GLE1: variants seen among roughly 807,000 people sequenced by gnomAD.
GLE1 encodes the protein mRNA export factor GLE1.
Under a neutral mutation model 97.3 loss-of-function variants are expected in GLE1, and 78 were observed. The ratio of observed to expected loss-of-function variants is 0.80; its 90% CI spans 0.67 to 0.97. The LOEUF (loss-of-function observed/expected upper bound fraction) is 0.97, where lower values mean the gene tolerates loss of function less well. Among genes scored for constraint, GLE1 ranks in the 50% least tolerant of loss-of-function variants. GLE1 has a pLI of 0.00. For missense variants in GLE1, 753 were observed against 857.5 expected (o/e 0.88, Z 1.52); for synonymous variants, 302 against 313.4 (o/e 0.96, Z 0.39).
intron 9 of GLE1, 41 bp downstream of exon 9, chr9:128,527,566 G>T (rs41306469): frequency 4.2e-6 from 5 of 1,176,692 alleles, no homozygotes; most frequent in Non-Finnish European, 6.4e-6. Flanking sequence ...TCATTTCATT[G>T]TATTATCTTT....
chr9:128,533,427 CAAAAAAA>C (rs5900802), intron 9 of GLE1, 79 bp from the exon 10 acceptor site: 480 of 452,898 alleles, frequency 1.1e-3, no homozygotes, highest in East Asian at 1.5e-3. Flanking sequence ...GATACTGTCT[CAAAAAAA>C]AAAAAAAAAA....
At chr9:128,526,998 C>T (rs1847318684) in intron 7 of GLE1, among the ~76,000 whole-genome samples, 181 bp from the exon 8 acceptor site, 1 of 152,180 alleles carries the variant, frequency 6.6e-6, no homozygotes, top group Non-Finnish European at 1.5e-5. Flanking sequence ...TGGCAAATCA[C>T]TTAACCTTTT....
At chr9:128,515,370 A>G (rs1050922581) in intron 2 of GLE1, among the ~76,000 whole-genome samples, 159 bp from the exon 3 acceptor site, 3 of 152,268 alleles carry the variant, frequency 2.0e-5, no homozygotes, top group African/African-American at 7.2e-5. Flanking sequence ...AATGTCATTC[A>G]TGAAAAGCAC....
chr9:128,538,807 C>T (rs540900521), intron 13 of GLE1, among the ~76,000 whole-genome samples: 18 of 152,268 alleles, frequency 1.2e-4, no homozygotes, highest in Admixed American at 1.1e-3. Flanking sequence ...GCGATCCTCC[C>T]ACCTAACCCT....
chr9:128,532,779 T>C (rs989793509), intron 9 of GLE1: 2 of 340,578 alleles, frequency 5.9e-6, no homozygotes, highest in Admixed American at 6.5e-5. Flanking sequence ...CTGGCTCAGC[T>C]TGACTGCCTC....
At chr9:128,539,499 T>G in intron 13 of GLE1, 117 bp from the exon 14 acceptor site, 1 of 807,282 alleles carries the variant, frequency 1.2e-6, no homozygotes, top group South Asian at 1.4e-5. Context: ...TTCAGTGGCA[T>G]TGTGGTTGAA....
intron 9 of GLE1, chr9:128,528,835 A>T (rs1476772826): frequency 6.6e-6 from 1 of 152,236 alleles, no homozygotes; most frequent in Non-Finnish European, 1.5e-5. Flanking sequence ...TGAGAACCAG[A>T]CAAGGAAGAA....
chr9:128,508,832 AC>A, intron 1 of GLE1, 43 bp from the exon 2 acceptor site: 1 of 1,095,888 alleles, frequency 9.1e-7, no homozygotes, highest in Non-Finnish European at 1.4e-6. Flanking sequence ...TATACTGAGA[AC>A]AGTTGACGTG....
chr9:128,517,017 C>T (rs888870897), intron 3 of GLE1, among the ~76,000 whole-genome samples: 11 of 151,788 alleles, frequency 7.2e-5, no homozygotes, highest in East Asian at 5.8e-4. Context: ...TGGCCAGGCA[C>T]GGAGGCTCAT....
At chr9:128,537,140 TG>T (rs1231354753) in intron 12 of GLE1, among the ~76,000 whole-genome samples, 1 of 152,052 alleles carries the variant, frequency 6.6e-6, no homozygotes, top group Non-Finnish European at 1.5e-5. Flanking sequence ...AAAGAATGTG[TG>T]GGAACCAATG....
intron 2 of GLE1, among the ~76,000 whole-genome samples, chr9:128,509,836 G>C (rs1406409162): frequency 6.6e-6 from 1 of 151,686 alleles, no homozygotes; most frequent in Non-Finnish European, 1.5e-5. Flanking sequence ...GCTCGAGCTT[G>C]TTGTCCTAGC....
At chr9:128,520,491 T>C (rs1341306163) in intron 3 of GLE1, among the ~76,000 whole-genome samples, 1 of 150,990 alleles carries the variant, frequency 6.6e-6, no homozygotes, top group Non-Finnish European at 1.5e-5. Context: ...TGCTTGGCTC[T>C]TGGCTGTTTT....
intron 3 of GLE1, among the ~76,000 whole-genome samples, chr9:128,518,733 T>C (rs1236440429): frequency 6.6e-6 from 1 of 151,630 alleles, no homozygotes; most frequent in African/African-American, 2.4e-5. Context: ...CCAGGCATGG[T>C]GGCAGGCACC....
intron 9 of GLE1, among the ~76,000 whole-genome samples, chr9:128,528,040 C>T (rs1015535342): frequency 1.1e-4 from 16 of 141,718 alleles, no homozygotes; most frequent in Non-Finnish European, 2.1e-4. Context: ...TGCTCTGTCG[C>T]CCAGGCTGGA....
intron 2 of GLE1, among the ~76,000 whole-genome samples, chr9:128,512,724 A>G (rs989271193): frequency 3.3e-5 from 5 of 151,712 alleles, no homozygotes; most frequent in Admixed American, 6.6e-5. Context: ...CTGGAGTGCA[A>G]TGGCGTGATC....
At chr9:128,516,729 A>G (rs919274401) in intron 3 of GLE1, among the ~76,000 whole-genome samples, 1 of 151,648 alleles carries the variant, frequency 6.6e-6, no homozygotes, top group East Asian at 2.0e-4. Flanking sequence ...GGTTCCAGCA[A>G]TTCTCCTGCC....
At chr9:128,514,004 T>G in intron 2 of GLE1, among the ~76,000 whole-genome samples, 1 of 132,260 alleles carries the variant, frequency 7.6e-6, no homozygotes, top group Non-Finnish European at 1.6e-5. Context: ...GGCAACAGAG[T>G]GAGACTCCAT....
chr9:128,523,917 G>A (rs1014346565), intron 6 of GLE1, 71 bp downstream of exon 6: 25 of 1,474,246 alleles, frequency 1.7e-5, no homozygotes, highest in Non-Finnish European at 2.3e-5. Flanking sequence ...ACTGTTTTCT[G>A]ACTTAAAAAG....
At chr9:128,524,280 A>G in intron 6 of GLE1, among the ~76,000 whole-genome samples, 1 of 151,700 alleles carries the variant, frequency 6.6e-6, no homozygotes. Context: ...GGGTTTTGCC[A>G]TGTTGCTCAG....
Sources: gnomAD v4.1 joint callset for allele counts (sites outside exome capture counted in the v4.1 genomes callset) on GRCh38, gnomAD v4.1.1 for gene constraint, MANE v1.5 for transcripts, NCBI Gene and HGNC (gene_info 2026-07-23, HGNC 2026-07-21) for gene names.